ZMIZ1: variants seen among roughly 807,000 people sequenced by gnomAD.
ZMIZ1 encodes the protein zinc finger MIZ-type containing 1.
In ZMIZ1, 17 loss-of-function variants were observed where a neutral mutation model predicts 113.9. That is an observed-to-expected ratio of 0.15 (90% CI 0.10 to 0.22). The LOEUF (loss-of-function observed/expected upper bound fraction) is 0.22. ZMIZ1 is among the 10% of genes least tolerant of loss of function. The pLI is 1.00. For missense variants in ZMIZ1, 1,059 were observed against 1,477.8 expected (o/e 0.72, Z 4.65); for synonymous variants, 607 against 603.1 (o/e 1.01, Z -0.09).
At chr10:79,188,816 C>T (rs1474260825) in intron 4 of ZMIZ1, among the ~76,000 whole-genome samples, 1 of 152,158 alleles carries the variant, frequency 6.6e-6, no homozygotes, top group African/African-American at 2.4e-5. Flanking sequence ...TTTTGCCATC[C>T]AGTAACACTG....
At chr10:79,165,436 G>C (rs1846285221) in intron 4 of ZMIZ1, among the ~76,000 whole-genome samples, 1 of 152,198 alleles carries the variant, frequency 6.6e-6, no homozygotes, top group African/African-American at 2.4e-5. Context: ...GGGAGGGAGG[G>C]AGGAGGGTGT....
chr10:79,205,420 G>A (rs1167937077), intron 5 of ZMIZ1, among the ~76,000 whole-genome samples: 2 of 152,176 alleles, frequency 1.3e-5, no homozygotes, highest in Non-Finnish European at 2.9e-5. Context: ...ATTTCCCATG[G>A]GGTTCAGCCT....
chr10:79,114,638 C>T (rs1284832299), intron 1 of ZMIZ1, among the ~76,000 whole-genome samples: 1 of 152,008 alleles, frequency 6.6e-6, no homozygotes, highest in African/African-American at 2.4e-5. Flanking sequence ...CCTCACTGAG[C>T]AGCAGCTGAA....
intron 1 of ZMIZ1, among the ~76,000 whole-genome samples, chr10:79,071,389 A>T (rs563710374): frequency 6.6e-6 from 1 of 152,282 alleles, no homozygotes; most frequent in African/African-American, 2.4e-5. Context: ...GGGTTTGCTT[A>T]TTACTGTTTT....
At chr10:79,282,163 C>T (rs1852780431) in intron 8 of ZMIZ1, among the ~76,000 whole-genome samples, 1 of 152,220 alleles carries the variant, frequency 6.6e-6, no homozygotes, top group Non-Finnish European at 1.5e-5. Flanking sequence ...CATAAGTCCT[C>T]AGTGCAATTT....
At chr10:79,294,940 A>AG (rs1279015039) in intron 12 of ZMIZ1, 5 of 74,100 alleles carry the variant, frequency 6.7e-5, no homozygotes, top group African/African-American at 3.5e-4. Context: ...GAGGGGAGAG[A>AG]GAGGGGGGGG....
At chr10:79,181,119 A>G (rs1009947314) in intron 4 of ZMIZ1, among the ~76,000 whole-genome samples, 1 of 152,198 alleles carries the variant, frequency 6.6e-6, no homozygotes, top group African/African-American at 2.4e-5. Context: ...ACCAAGAGTC[A>G]GTGTGGCCCT....
chr10:79,160,915 G>A (rs1384696103), intron 3 of ZMIZ1, among the ~76,000 whole-genome samples: 2 of 152,242 alleles, frequency 1.3e-5, no homozygotes, highest in South Asian at 2.1e-4. Context: ...GACTGTTCAC[G>A]GCCTTGCATC....
At chr10:79,152,883 T>C (rs1845766680) in intron 3 of ZMIZ1, among the ~76,000 whole-genome samples, 1 of 152,192 alleles carries the variant, frequency 6.6e-6, no homozygotes, top group African/African-American at 2.4e-5. Flanking sequence ...TTCCAGAAAA[T>C]ATTCGGGGAT....
At chr10:79,192,365 T>A (rs912663607) in intron 4 of ZMIZ1, among the ~76,000 whole-genome samples, 1 of 152,256 alleles carries the variant, frequency 6.6e-6, no homozygotes, top group Non-Finnish European at 1.5e-5. Context: ...GGGCTGACTG[T>A]CATGAAGCCC....
At chr10:79,244,059 T>G (rs549894569) in intron 7 of ZMIZ1, among the ~76,000 whole-genome samples, 1 of 152,088 alleles carries the variant, frequency 6.6e-6, no homozygotes, top group South Asian at 2.1e-4. Context: ...CTGTGCTCAG[T>G]CGGCTCACGC....
At chr10:79,274,915 C>G (rs1479285079) in intron 7 of ZMIZ1, among the ~76,000 whole-genome samples, 2 of 152,136 alleles carry the variant, frequency 1.3e-5, no homozygotes, top group Non-Finnish European at 2.9e-5. Context: ...GTGCCTCCGC[C>G]CCCTGCATGG....
chr10:79,171,681 A>G (rs575590494), intron 4 of ZMIZ1, among the ~76,000 whole-genome samples: 367 of 152,294 alleles, frequency 2.4e-3, no homozygotes, highest in African/African-American at 8.1e-3. Context: ...ATGTGTTGAG[A>G]TCAAAAGAGG....
chr10:79,256,668 A>T (rs912328027), intron 7 of ZMIZ1, among the ~76,000 whole-genome samples: 1 of 152,132 alleles, frequency 6.6e-6, no homozygotes, highest in Non-Finnish European at 1.5e-5. Flanking sequence ...CTGGACTCTT[A>T]AGCTCCAGCT....
Position 79,298,524 on chromosome 10 carries a change from A to G in ZMIZ1, c.1610A>G (p.Lys537Arg). ...TACCTGTCCCCCAGCCAAGACGTCA[A>G]ACCACCCTTCCCGCCTGACATCAAG... ...PPYLSPSQDV[K>R]PPFPPDIKPN... Residue 537 changes from lysine to arginine, a missense_variant, in exon 15 of 25, where the codon AAA (lysine) becomes AGA (arginine). Lys to Arg is a conservative substitution (Grantham distance 26). Around this residue, in one of 6 missense-constraint regions of ZMIZ1, gnomAD observed 239 missense variants for 247.5 expected, o/e 0.97. Coordinates refer to ENST00000334512, the MANE Select transcript of ZMIZ1 (RefSeq NM_020338.4). 1.2e-6 allele frequency: 2 copies of G among 1,601,558 alleles called. No homozygotes were observed. Among genetic ancestry groups the G allele is most frequent in the Non-Finnish European group, 1.7e-6 (2 of 1,174,630 alleles).
chr10:79,303,526 G>A (rs1490717275), intron 18 of ZMIZ1, among the ~76,000 whole-genome samples: 1 of 129,292 alleles, frequency 7.7e-6, no homozygotes, highest in Non-Finnish European at 1.8e-5. Context: ...GGAGACTCCG[G>A]GTGTGGACTC....
chr10:79,078,719 A>ATTTTTTTTTTTTTT (rs10673987), intron 1 of ZMIZ1, among the ~76,000 whole-genome samples: 1 of 125,082 alleles, frequency 8.0e-6, no homozygotes, highest in African/African-American at 3.2e-5. Context: ...TAATTTTTGT[A>ATTTTTTTTTTTTTT]TTTTTTTTTT....
intron 17 of ZMIZ1, 93 bp from the exon 18 acceptor site, chr10:79,302,014 G>A: frequency 7.6e-7 from 1 of 1,312,372 alleles, no homozygotes; most frequent in East Asian, 2.3e-5. Flanking sequence ...CCGGCTGTGG[G>A]ATCCTGGGAG....
At chr10:79,228,554 A>G (rs550827557) in intron 7 of ZMIZ1, among the ~76,000 whole-genome samples, 5 of 152,364 alleles carry the variant, frequency 3.3e-5, no homozygotes, top group African/African-American at 1.2e-4. Context: ...ACACAGGGGC[A>G]GGGAGGAAGG....
Sources: gnomAD v4.1 joint callset for allele counts (sites outside exome capture counted in the v4.1 genomes callset) on GRCh38, gnomAD v4.1.1 for gene constraint, gnomAD v4.1.1 regional missense constraint, MANE v1.5 for transcripts, NCBI Gene and HGNC (gene_info 2026-07-23, HGNC 2026-07-21) for gene names.